Variants in ABCC1 observed in about 807,000 individuals in gnomAD.
ABCC1 encodes ATP binding cassette subfamily C member 1 (ABCC1 blood group), also known as multidrug resistance-associated protein 1.
ABCC1 carries 83 observed loss-of-function variants against 172.9 expected under a neutral mutation model. That is an observed-to-expected ratio of 0.48 (90% CI 0.40 to 0.58). ABCC1 has a LOEUF of 0.58. Among genes scored for constraint, ABCC1 ranks in the 20% least tolerant of loss-of-function variants. The pLI is 0.00. For synonymous variants in ABCC1, 937 were observed against 825.2 expected (o/e 1.14, Z -2.32); for missense variants, 1,817 against 2,002.7 (o/e 0.91, Z 1.77).
chr16:16,090,304 C>T (rs2051192743), intron 18 of ABCC1, 101 bp from the exon 19 acceptor site: 2 of 1,290,758 alleles, frequency 1.5e-6, no homozygotes, highest in Admixed American at 3.0e-5. Context: ...TTTTGCCCAC[C>T]AGGTGTTCGT....
intron 1 of ABCC1, among the ~76,000 whole-genome samples, chr16:15,991,298 G>A (rs1166575190): frequency 6.6e-6 from 1 of 151,902 alleles, no homozygotes; most frequent in African/African-American, 2.4e-5. Flanking sequence ...GGGGTGCGGG[G>A]GGCTATGGGT....
intron 11 of ABCC1, among the ~76,000 whole-genome samples, chr16:16,055,357 C>T (rs1293963981): frequency 6.6e-6 from 1 of 151,964 alleles, no homozygotes; most frequent in Non-Finnish European, 1.5e-5. Context: ...CGAAACCAGC[C>T]TGGCCAACAT....
chr16:16,134,623 T>G, intron 28 of ABCC1, 115 bp downstream of exon 28: 2 of 535,044 alleles, frequency 3.7e-6, no homozygotes, highest in South Asian at 3.3e-5. Flanking sequence ...TACTTCATCG[T>G]TCTTTTTTTT....
intron 28 of ABCC1, among the ~76,000 whole-genome samples, chr16:16,135,671 G>A (rs2045891262): frequency 6.6e-6 from 1 of 152,086 alleles, no homozygotes; most frequent in Non-Finnish European, 1.5e-5. Context: ...ACCCAGGCTG[G>A]TCTCAAACTC....
Position 16,090,494 on chromosome 16 carries a change from C to T in ABCC1, c.2550C>T (p.Gly850=). Residue 850 remains glycine, a synonymous_variant, in exon 19 of 31, where the codon GGC becomes GGT. Coordinates refer to ENST00000399410, the MANE Select transcript of ABCC1 (RefSeq NM_004996.4). ...GTGGCGGCAAGATCTCTGAGATGGG[C>T]TCCTACCAGGAGCTGCTGGCTCGAG... ...VMSGGKISEM[G]SYQELLARDG... is the part of the protein sequence containing the mutation. The T allele has an allele frequency of 1.2e-6, 2 of 1,613,918 alleles. No homozygotes were observed. The highest frequency in any genetic ancestry group is 1.7e-6 in the Non-Finnish European group (2 of 1,179,974).
intron 1 of ABCC1, among the ~76,000 whole-genome samples, chr16:15,954,754 G>A (rs563121312): frequency 2.6e-5 from 4 of 152,120 alleles, no homozygotes; most frequent in Non-Finnish European, 5.9e-5. Flanking sequence ...ATTTGTGATA[G>A]CCTGGAGGGG....
intron 21 of ABCC1, among the ~76,000 whole-genome samples, chr16:16,107,148 CAG>C (rs1491366771): frequency 1.3e-5 from 2 of 152,124 alleles, no homozygotes; most frequent in African/African-American, 2.4e-5. Context: ...CTGAGCAGCT[CAG>C]GGGGGTCTCA....
intron 24 of ABCC1, among the ~76,000 whole-genome samples, chr16:16,124,403 GTGT>G (rs2045339788): frequency 6.8e-6 from 1 of 147,158 alleles, no homozygotes; most frequent in Non-Finnish European, 1.5e-5. Flanking sequence ...GTGTGTGTGT[GTGT>G]GTGTATGTGT....
intron 7 of ABCC1, among the ~76,000 whole-genome samples, chr16:16,039,414 CAT>C (rs2048890716): frequency 6.6e-6 from 1 of 150,968 alleles, no homozygotes; most frequent in South Asian, 2.1e-4. Flanking sequence ...ATTACAGGTG[CAT>C]GCCACCACGC....
chr16:16,108,944 A>G (rs1187228543), intron 21 of ABCC1, among the ~76,000 whole-genome samples: 2 of 151,766 alleles, frequency 1.3e-5, no homozygotes, highest in Non-Finnish European at 2.9e-5. Context: ...TACTCATGAG[A>G]AAGAGGTTCC....
At chr16:16,028,846 G>T (rs953896475) in intron 5 of ABCC1, among the ~76,000 whole-genome samples, 1 of 152,136 alleles carries the variant, frequency 6.6e-6, no homozygotes, top group African/African-American at 2.4e-5. Context: ...CTAGAATATA[G>T]CAGGGCTGGG....
At chr16:16,080,411 T>A (rs1038456156) in intron 16 of ABCC1, among the ~76,000 whole-genome samples, 1 of 152,204 alleles carries the variant, frequency 6.6e-6, no homozygotes, top group Non-Finnish European at 1.5e-5. Context: ...AAATACACAG[T>A]GTACTTTGAA....
chr16:15,971,042 C>G (rs746832087), intron 1 of ABCC1, among the ~76,000 whole-genome samples: 3 of 152,062 alleles, frequency 2.0e-5, no homozygotes, highest in Non-Finnish European at 4.4e-5. Flanking sequence ...GTTTAATAGG[C>G]AAGAAGGGGC....
rs568654827 is a variant in ABCC1 at position 16,106,181 on chromosome 16, A to G, written c.2736-557A>G. Reference sequence around the variant, plus strand: ...TGTGAGCCACTGCACCTGGCCAAATAATGCTTTCTGAGTAACACGCTTGCA... The same window carrying G: ...TGTGAGCCACTGCACCTGGCCAAATGATGCTTTCTGAGTAACACGCTTGCA... On this transcript the variant is annotated intron_variant, in intron 20 of 30. Coordinates refer to ENST00000399410, the MANE Select transcript of ABCC1 (RefSeq NM_004996.4). Among the ~76,000 whole-genome samples the G allele has an allele frequency of 5.9e-5, 9 of 151,928 alleles. No homozygotes were observed. In the East Asian group the frequency reaches 1.7e-3, roughly 29 times the overall value.
chr16:15,984,175 C>T (rs145408213), intron 1 of ABCC1, among the ~76,000 whole-genome samples: 64 of 152,278 alleles, frequency 4.2e-4, no homozygotes, highest in African/African-American at 9.9e-4. Flanking sequence ...CCACCCCTTC[C>T]GTGGTAGGGT....
At chr16:16,080,864 T>G (rs1218560330) in intron 16 of ABCC1, among the ~76,000 whole-genome samples, 1 of 76,660 alleles carries the variant, frequency 1.3e-5, no homozygotes. Flanking sequence ...TTTATGACGT[T>G]GTTTGTTGTT....
chr16:16,013,553 A>T (rs77806462), intron 3 of ABCC1, among the ~76,000 whole-genome samples: 3 of 138,550 alleles, frequency 2.2e-5, no homozygotes, highest in Non-Finnish European at 4.9e-5. Context: ...GAGCCACTGC[A>T]CCTGGCTGAT....
At chr16:16,140,858 T>C (rs946999746) in intron 30 of ABCC1, among the ~76,000 whole-genome samples, 2 of 152,218 alleles carry the variant, frequency 1.3e-5, no homozygotes, top group Admixed American at 6.5e-5. Context: ...CCAATCGTTA[T>C]TGTAGACTGT....
At chr16:16,133,248 G>GA (rs2152143530) in intron 27 of ABCC1, among the ~76,000 whole-genome samples, 1 of 152,292 alleles carries the variant, frequency 6.6e-6, no homozygotes, top group South Asian at 2.1e-4. Flanking sequence ...TTTCACCTCT[G>GA]AACATATGGA....
Sources: allele counts gnomAD v4.1 joint callset (sites outside exome capture counted in the v4.1 genomes callset), GRCh38; gene constraint gnomAD v4.1.1; transcripts MANE v1.5; gene names NCBI Gene and HGNC (gene_info 2026-07-23, HGNC 2026-07-21).